MALRD1: variants seen among roughly 807,000 people sequenced by gnomAD.
MALRD1 encodes MAM and LDL receptor class A domain containing 1.
Under a neutral mutation model 242.1 loss-of-function variants are expected in MALRD1, and 247 were observed. The observed-to-expected ratio is 1.02, with a 90% CI of 0.92 to 1.13. The LOEUF is 1.13. Ranked by LOEUF, MALRD1 falls within the 50% of genes most tolerant of loss-of-function variation. The probability of loss-of-function intolerance (pLI) is 0.00; values close to 1 mark genes in which losing one functional copy is unlikely to be tolerated. For missense variants in MALRD1, 2,989 were observed against 2,533.1 expected (o/e 1.18, Z -3.86); for synonymous variants, 995 against 866.6 (o/e 1.15, Z -2.60).
At chr10:19,161,620 G>C (rs1293552441) in intron 12 of MALRD1, among the ~76,000 whole-genome samples, 1 of 133,428 alleles carries the variant, frequency 7.5e-6, no homozygotes, top group Non-Finnish European at 1.6e-5. Context: ...AATGTTTGTT[G>C]TAATTTTCAC....
chr10:19,158,660 G>A (rs1490576321), intron 12 of MALRD1, among the ~76,000 whole-genome samples: 1 of 152,206 alleles, frequency 6.6e-6, no homozygotes, highest in Non-Finnish European at 1.5e-5. Flanking sequence ...TATCTACTGT[G>A]TGTTGATCAC....
chr10:19,529,702 A>T (rs751700793), intron 31 of MALRD1, among the ~76,000 whole-genome samples: 57 of 152,092 alleles, frequency 3.7e-4, no homozygotes, highest in Non-Finnish European at 1.5e-4. Flanking sequence ...CAAACACAAG[A>T]CCCAACTATA....
chr10:19,227,106 C>G (rs531384865), intron 18 of MALRD1, among the ~76,000 whole-genome samples: 1 of 151,290 alleles, frequency 6.6e-6, no homozygotes, highest in Non-Finnish European at 1.5e-5. Flanking sequence ...TGGCACAATC[C>G]CAATCAAACC....
intron 19 of MALRD1, among the ~76,000 whole-genome samples, chr10:19,271,590 C>T (rs943415866): frequency 2.6e-5 from 4 of 152,026 alleles, no homozygotes; most frequent in African/African-American, 7.3e-5. Flanking sequence ...GGTGAAACCC[C>T]GTCTCTACCA....
chr10:19,624,011 G>A (rs75271627), intron 36 of MALRD1, among the ~76,000 whole-genome samples: 8,521 of 152,128 alleles, frequency 0.056, 696 homozygotes, highest in African/African-American at 0.18. Context: ...TCTTGAATAA[G>A]CAACATATTC....
At chr10:19,328,659 T>C (rs967887502) in intron 23 of MALRD1, among the ~76,000 whole-genome samples, 1 of 152,086 alleles carries the variant, frequency 6.6e-6, no homozygotes, top group African/African-American at 2.4e-5. Flanking sequence ...CACTGAAAAG[T>C]GTTACAGCCA....
intron 23 of MALRD1, among the ~76,000 whole-genome samples, chr10:19,329,704 T>C (rs2130915589): frequency 6.6e-6 from 1 of 152,326 alleles, no homozygotes; most frequent in East Asian, 1.9e-4. Flanking sequence ...GCAACTGCCA[T>C]GCTACATTGT....
rs139978621 is a variant in MALRD1 at position 19,691,523 on chromosome 10, C to T, written c.6138-759C>T. Among the ~76,000 whole-genome samples the T allele has an allele frequency of 6.6e-5, 10 of 152,192 alleles. No individual in the cohort carries two copies. The East Asian group carries it at 1.4e-3, about 21-fold the overall frequency. On this transcript the variant is annotated intron_variant, in intron 36 of 39. Transcript: ENST00000454679. ...TGGCAGGAAATTTGACCAAACCCTTCGTAATTTGTATCCTGTTACTGATGT... is the reference window on the plus strand; with the variant it reads ...TGGCAGGAAATTTGACCAAACCCTTTGTAATTTGTATCCTGTTACTGATGT...
chr10:19,231,019 T>G (rs1838036727), intron 18 of MALRD1, among the ~76,000 whole-genome samples: 1 of 152,182 alleles, frequency 6.6e-6, no homozygotes, highest in South Asian at 2.1e-4. Flanking sequence ...AACTGAAGTT[T>G]GCCTAGCTAT....
chr10:19,238,426 T>A (rs1446590598), intron 18 of MALRD1, among the ~76,000 whole-genome samples: 2 of 79,832 alleles, frequency 2.5e-5, no homozygotes, highest in African/African-American at 1.0e-4. Flanking sequence ...TAATATACAT[T>A]ATATATAATA....
intron 33 of MALRD1, among the ~76,000 whole-genome samples, chr10:19,588,636 C>T (rs1326869373): frequency 6.6e-6 from 1 of 152,112 alleles, no homozygotes; most frequent in East Asian, 1.9e-4. Context: ...TCTAAAGCAA[C>T]ATTTCTTATT....
intron 9 of MALRD1, among the ~76,000 whole-genome samples, chr10:19,135,924 GA>G (rs139878714): frequency 6.6e-6 from 1 of 152,268 alleles, no homozygotes; most frequent in Non-Finnish European, 1.5e-5. Flanking sequence ...CTTATCTCCA[GA>G]AAAGCTAGCA....
At chr10:19,390,187 A>G (rs1385280176) in intron 28 of MALRD1, among the ~76,000 whole-genome samples, 1 of 152,196 alleles carries the variant, frequency 6.6e-6, no homozygotes, top group Non-Finnish European at 1.5e-5. Context: ...TCTTCTTCCT[A>G]TTTAGTTGTT....
At chr10:19,338,295 A>G (rs969331628) in intron 24 of MALRD1, among the ~76,000 whole-genome samples, 5 of 152,046 alleles carry the variant, frequency 3.3e-5, no homozygotes, top group Non-Finnish European at 7.4e-5. Context: ...GAGTCGTTTC[A>G]TTGCCCTAAA....
At chr10:19,525,703 A>T (rs1240538445) in intron 31 of MALRD1, among the ~76,000 whole-genome samples, 1 of 152,186 alleles carries the variant, frequency 6.6e-6, no homozygotes, top group African/African-American at 2.4e-5. Context: ...TGAAGTATTA[A>T]ATGAAAAGTG....
chr10:19,240,085 G>C (rs1838690276), intron 18 of MALRD1, among the ~76,000 whole-genome samples: 1 of 152,160 alleles, frequency 6.6e-6, no homozygotes, highest in East Asian at 1.9e-4. Flanking sequence ...AGGACATTTT[G>C]TTAGTATGGT....
At chr10:19,163,698 G>C (rs1834544770) in intron 12 of MALRD1, among the ~76,000 whole-genome samples, 1 of 152,142 alleles carries the variant, frequency 6.6e-6, no homozygotes, top group Non-Finnish European at 1.5e-5. Context: ...ATTGTGGGCT[G>C]TATCAATAAC....
At chr10:19,702,193 A>G (rs776617149) in intron 38 of MALRD1, among the ~76,000 whole-genome samples, 1 of 152,224 alleles carries the variant, frequency 6.6e-6, no homozygotes, top group Non-Finnish European at 1.5e-5. Context: ...AAGGAGATGC[A>G]TAGCTTTTCA....
chr10:19,420,138 C>A (rs538587991), intron 28 of MALRD1, among the ~76,000 whole-genome samples: 1 of 152,130 alleles, frequency 6.6e-6, no homozygotes. Flanking sequence ...ACACTCGTGG[C>A]CCCTGCTGCT....
Sources: gnomAD v4.1 joint callset for allele counts (sites outside exome capture counted in the v4.1 genomes callset) on GRCh38, gnomAD v4.1.1 for gene constraint, MANE v1.5 for transcripts, NCBI Gene and HGNC (gene_info 2026-07-23, HGNC 2026-07-21) for gene names.